The following GFPT1 variants were observed in gnomAD, a reference collection of about 807,000 sequenced individuals.
GFPT1 encodes glutamine--fructose-6-phosphate aminotransferase [isomerizing] 1.
A neutral mutation model predicts 92.0 loss-of-function variants in GFPT1; 40 were observed. That is an observed-to-expected ratio of 0.43 (90% CI 0.34 to 0.57). The LOEUF is 0.57. GFPT1 is among the 20% of genes least tolerant of loss of function. The probability of loss-of-function intolerance (pLI) is 0.02; values close to 1 mark genes in which losing one functional copy is unlikely to be tolerated. For missense variants in GFPT1, 448 were observed against 869.1 expected (o/e 0.52, Z 6.09); for synonymous variants, 269 against 280.6 (o/e 0.96, Z 0.41).
intron 3 of GFPT1, among the ~76,000 whole-genome samples, chr2:69,367,802 G>A (rs564258882): frequency 6.6e-6 from 1 of 152,324 alleles, no homozygotes; most frequent in African/African-American, 2.4e-5. Context: ...GAAGTGCTTA[G>A]TCTCAGGTTA....
intron 3 of GFPT1, among the ~76,000 whole-genome samples, chr2:69,366,513 C>T (rs1402031445): frequency 6.6e-6 from 1 of 152,102 alleles, no homozygotes; most frequent in African/African-American, 2.4e-5. Flanking sequence ...TAAATTAAGA[C>T]CCTTTCAAAT....
intron 15 of GFPT1, among the ~76,000 whole-genome samples, chr2:69,337,590 C>A (rs1670831989): frequency 6.6e-6 from 1 of 152,116 alleles, no homozygotes; most frequent in Non-Finnish European, 1.5e-5. Flanking sequence ...AGCAGGAGGG[C>A]AGTAAGCGAT....
chr2:69,350,668 C>T (rs1026897054), intron 9 of GFPT1, among the ~76,000 whole-genome samples: 5 of 151,812 alleles, frequency 3.3e-5, no homozygotes, highest in Non-Finnish European at 5.9e-5. Flanking sequence ...TTTGGAAGGC[C>T]GAGGCAGGTG....
At chr2:69,331,301 T>G (rs1425453309) in intron 15 of GFPT1, among the ~76,000 whole-genome samples, 1 of 152,206 alleles carries the variant, frequency 6.6e-6, no homozygotes, top group African/African-American at 2.4e-5. Flanking sequence ...CAACTGACTT[T>G]GTTGTTCCTC....
chr2:69,378,720 T>C (rs937792026), intron 1 of GFPT1, among the ~76,000 whole-genome samples: 1 of 152,246 alleles, frequency 6.6e-6, no homozygotes, highest in Non-Finnish European at 1.5e-5. Context: ...AAAATTCCTA[T>C]GTCTGGTTGC....
At chr2:69,329,167 A>G in intron 17 of GFPT1, 130 bp downstream of exon 17, 1 of 902,244 alleles carries the variant, frequency 1.1e-6, no homozygotes. Flanking sequence ...AAAGTAAACA[A>G]ACCACAATGC....
chr2:69,387,110 G>T lies in GFPT1; in HGVS notation c.-39C>A. 1.1e-5 allele frequency: 17 copies of T among 1,528,568 alleles called. No homozygotes were observed. The highest frequency in any genetic ancestry group is 1.5e-5 in the Non-Finnish European group (17 of 1,143,526). 94.7% of individuals were successfully genotyped at this position (1,528,568 alleles called of 1,614,324 possible). A position where few individuals can be genotyped will look rare whatever the true frequency, so the allele number is the denominator to read the frequency against. Reference sequence around the variant, plus strand: ...CGGCCCGCGAGGCCAGGGGCGAGTGGCTGGCGGGATCGGGGGTGCACACAC... The same window carrying T: ...CGGCCCGCGAGGCCAGGGGCGAGTGTCTGGCGGGATCGGGGGTGCACACAC... On this transcript the variant is annotated 5_prime_UTR_variant, in exon 1 of 20. Transcript: ENST00000357308.
chr2:69,361,693 C>A (rs1671475568), intron 4 of GFPT1, among the ~76,000 whole-genome samples: 1 of 151,986 alleles, frequency 6.6e-6, no homozygotes, highest in African/African-American at 2.4e-5. Context: ...TAAAAATCAG[C>A]AAGGGCTGGG....
At chr2:69,370,393 A>G (rs751623268) in intron 2 of GFPT1, among the ~76,000 whole-genome samples, 2 of 152,166 alleles carry the variant, frequency 1.3e-5, no homozygotes, top group Non-Finnish European at 2.9e-5. Flanking sequence ...TAAAAATACT[A>G]CAGGTTACAA....
At chr2:69,330,372 C>G (rs1670630823) in intron 15 of GFPT1, among the ~76,000 whole-genome samples, 1 of 151,878 alleles carries the variant, frequency 6.6e-6, no homozygotes, top group South Asian at 2.1e-4. Flanking sequence ...TCCTAATATC[C>G]CTAAGAAAGG....
At chr2:69,338,864 A>G (rs1293940365) in intron 13 of GFPT1, among the ~76,000 whole-genome samples, 1 of 138,494 alleles carries the variant, frequency 7.2e-6, no homozygotes, top group Non-Finnish European at 1.5e-5. Flanking sequence ...CAGTGGTGCC[A>G]TCTCGGCTCA....
rs1670473655 is a variant in GFPT1, at chr2:69,323,952, G to A, written c.*2237C>T. The A allele has an allele frequency of 6.6e-6, 1 of 152,240 alleles. No individual in the cohort carries two copies. Among genetic ancestry groups the A allele is most frequent in the East Asian group, 1.9e-4 (1 of 5,202 alleles). The allele number at this position is 152,240 out of a possible 1,614,324, so 9.4% of individuals were successfully genotyped here. ...GCCTCCCAAAGTGCTGGGATTACAG[G>A]TGTGAGCCACTGCGTCCGGCCAAAA... On this transcript the variant is annotated 3_prime_UTR_variant, in exon 20 of 20. Coordinates refer to ENST00000357308, the MANE Select transcript of GFPT1 (RefSeq NM_001244710.2).
intron 3 of GFPT1, among the ~76,000 whole-genome samples, chr2:69,369,533 C>T (rs1293265824): frequency 6.6e-6 from 1 of 152,138 alleles, no homozygotes; most frequent in African/African-American, 2.4e-5. Context: ...GAGAAGAAAA[C>T]TGTGAGGGAA....
chr2:69,330,499 T>C (rs1050577968), intron 15 of GFPT1, among the ~76,000 whole-genome samples: 4 of 151,926 alleles, frequency 2.6e-5, no homozygotes. Flanking sequence ...TGCTGGATTT[T>C]TTTTTTTAAT....
intron 6 of GFPT1, 31 bp from the exon 7 acceptor site, chr2:69,356,588 T>C: frequency 7.9e-6 from 12 of 1,511,334 alleles, no homozygotes; most frequent in Non-Finnish European, 1.1e-5. Context: ...ATTAGCACTA[T>C]TTAATCAATT....
At chr2:69,363,999 TGGCTACTCCGGAG>T (rs904078650) in intron 3 of GFPT1, among the ~76,000 whole-genome samples, 1 of 151,458 alleles carries the variant, frequency 6.6e-6, no homozygotes, top group African/African-American at 2.4e-5. Context: ...CCTGTAGTCC[TGGCTACTCCGGAG>T]GCAGAGGCAG....
At chr2:69,367,344 TTTGTTGTTGTTG>T in intron 3 of GFPT1, among the ~76,000 whole-genome samples, 2 of 150,360 alleles carry the variant, frequency 1.3e-5, no homozygotes, top group South Asian at 4.2e-4. Context: ...CAACTTATTT[TTTGTTGTTGTTG>T]TTGTTGTTGT....
chr2:69,365,451 G>GAA (rs937646241), intron 3 of GFPT1, among the ~76,000 whole-genome samples: 1 of 152,162 alleles, frequency 6.6e-6, no homozygotes, highest in African/African-American at 2.4e-5. Context: ...CAGCCTGGGC[G>GAA]AAAGAGCAAG....
chr2:69,341,221 G>A (rs1451698989), intron 13 of GFPT1, among the ~76,000 whole-genome samples: 2 of 151,880 alleles, frequency 1.3e-5, no homozygotes, highest in African/African-American at 4.8e-5. Context: ...CCAAAGTGCT[G>A]GGATTACAGG....
Sources: allele counts gnomAD v4.1 joint callset (sites outside exome capture counted in the v4.1 genomes callset), GRCh38; gene constraint gnomAD v4.1.1; transcripts MANE v1.5; gene names NCBI Gene and HGNC (gene_info 2026-07-23, HGNC 2026-07-21).